Variants in GMDS observed in about 807,000 individuals in gnomAD.
GMDS encodes GDP-mannose 4,6-dehydratase.
Under a neutral mutation model 49.9 loss-of-function variants are expected in GMDS, and 20 were observed. The ratio of observed to expected loss-of-function variants is 0.40; its 90% CI spans 0.28 to 0.58. The LOEUF (loss-of-function observed/expected upper bound fraction) is 0.58. Among genes scored for constraint, GMDS ranks in the 20% least tolerant of loss-of-function variants. GMDS has a pLI of 0.42. For missense variants in GMDS, 362 were observed against 481.4 expected, an observed-to-expected ratio of 0.75 and a Z score of 2.32; for synonymous variants, 177 against 178.6, an observed-to-expected ratio of 0.99 and a Z score of 0.07.
At chr6:2,229,781 C>T (rs1780994227) in intron 1 of GMDS, among the ~76,000 whole-genome samples, 1 of 152,120 alleles carries the variant, frequency 6.6e-6, no homozygotes, top group Non-Finnish European at 1.5e-5. Context: ...AAATAGAAAA[C>T]AAAAACTGTT....
intron 7 of GMDS, among the ~76,000 whole-genome samples, chr6:1,915,285 A>G (rs3778554): frequency 0.079 from 12,001 of 152,292 alleles, 548 homozygotes; most frequent in South Asian, 0.16. Flanking sequence ...GCCCTGGCAG[A>G]GGCTCACAGG....
intron 4 of GMDS, among the ~76,000 whole-genome samples, chr6:1,967,203 A>C (rs1054941427): frequency 7.2e-5 from 11 of 151,948 alleles, no homozygotes; most frequent in African/African-American, 2.4e-4. Context: ...GCTTCATTTC[A>C]CGTTAACTTT....
At chr6:1,832,735 A>T (rs1001792544) in intron 7 of GMDS, among the ~76,000 whole-genome samples, 15 of 152,212 alleles carry the variant, frequency 9.9e-5, no homozygotes, top group African/African-American at 3.6e-4. Context: ...AAGAATGAAC[A>T]AAGTGAGGCC....
At chr6:2,155,869 G>A (rs183892791) in intron 1 of GMDS, among the ~76,000 whole-genome samples, 33 of 152,198 alleles carry the variant, frequency 2.2e-4, no homozygotes, top group Middle Eastern at 3.4e-3. Context: ...TCTAAATTAC[G>A]TAAATGAAAC....
chr6:1,936,966 CAAA>C (rs34542518), intron 6 of GMDS, among the ~76,000 whole-genome samples: 14 of 97,222 alleles, frequency 1.4e-4, no homozygotes, highest in Non-Finnish European at 1.5e-4. Flanking sequence ...GACTCTGTCT[CAAA>C]AAAAAAAAAA....
At chr6:1,961,420 A>C (rs556225444) in intron 4 of GMDS, among the ~76,000 whole-genome samples, 1 of 152,322 alleles carries the variant, frequency 6.6e-6, no homozygotes, top group South Asian at 2.1e-4. Context: ...TGAATTTAAA[A>C]AGGGTTGTTT....
intron 1 of GMDS, among the ~76,000 whole-genome samples, chr6:2,184,701 A>T (rs564741024): frequency 3.9e-5 from 6 of 152,336 alleles, no homozygotes; most frequent in African/African-American, 7.2e-5. Context: ...TCAATAAAAA[A>T]TTTTCTTTTA....
chr6:2,019,231 G>C (rs1161465071), intron 4 of GMDS, among the ~76,000 whole-genome samples: 1 of 151,416 alleles, frequency 6.6e-6, no homozygotes, highest in East Asian at 1.9e-4. Flanking sequence ...TACAATATAA[G>C]ATGATGTCAT....
intron 9 of GMDS, chr6:1,625,509 T>C (rs1762827016): frequency 6.6e-6 from 1 of 152,240 alleles, no homozygotes; most frequent in Non-Finnish European, 1.5e-5. Context: ...AACAAGGGCA[T>C]TTCATCTCCA....
chr6:1,633,421 G>A (rs926749313), intron 9 of GMDS, among the ~76,000 whole-genome samples: 2 of 152,234 alleles, frequency 1.3e-5, no homozygotes, highest in African/African-American at 4.8e-5. Context: ...GTGGACAAGA[G>A]AAGGCCGTGG....
At chr6:1,976,356 A>T (rs1418676233) in intron 4 of GMDS, among the ~76,000 whole-genome samples, 1 of 152,240 alleles carries the variant, frequency 6.6e-6, no homozygotes, top group Non-Finnish European at 1.5e-5. Flanking sequence ...CAAATTTAAT[A>T]ACAGGAACTA....
At chr6:1,624,292 A>C in intron 10 of GMDS, 61 bp from the exon 11 acceptor site, 1 of 1,480,824 alleles carries the variant, frequency 6.8e-7, no homozygotes, top group Non-Finnish European at 9.4e-7. Context: ...GTGACACCCC[A>C]CCCCGGGTGT....
At chr6:1,982,350 T>A (rs1765267888) in intron 4 of GMDS, among the ~76,000 whole-genome samples, 1 of 152,126 alleles carries the variant, frequency 6.6e-6, no homozygotes, top group Non-Finnish European at 1.5e-5. Context: ...CTCTCACCAC[T>A]CCTATTCAAC....
chr6:1,907,873 C>A (rs540164582), intron 7 of GMDS, among the ~76,000 whole-genome samples: 5 of 152,188 alleles, frequency 3.3e-5, no homozygotes, highest in African/African-American at 4.8e-5. Flanking sequence ...CCAAAGTCCC[C>A]GGTGGATACC....
chr6:2,148,136 G>A (rs1776666949), intron 1 of GMDS, among the ~76,000 whole-genome samples: 1 of 152,068 alleles, frequency 6.6e-6, no homozygotes, highest in Non-Finnish European at 1.5e-5. Context: ...CAGACGTTGA[G>A]TGAGCAACAG....
chr6:1,933,526 G>T (rs1304888988), intron 6 of GMDS, among the ~76,000 whole-genome samples: 3 of 152,168 alleles, frequency 2.0e-5, no homozygotes, highest in Non-Finnish European at 4.4e-5. Flanking sequence ...ATTCTCCCCA[G>T]TACTTGTTAT....
At chr6:1,976,873 C>T (rs1422949169) in intron 4 of GMDS, among the ~76,000 whole-genome samples, 2 of 152,160 alleles carry the variant, frequency 1.3e-5, no homozygotes, top group Non-Finnish European at 2.9e-5. Flanking sequence ...GGAAAACACA[C>T]CCTACACTGA....
chr6:2,170,847 T>C (rs1319934705), intron 1 of GMDS, among the ~76,000 whole-genome samples: 2 of 151,646 alleles, frequency 1.3e-5, no homozygotes, highest in Admixed American at 6.6e-5. Context: ...TACAAAAAAT[T>C]AGCCAGGTGC....
Position 1,643,085 on chromosome 6 carries a change from CCT to C in GMDS, c.988-18547_988-18546del, listed in dbSNP as rs774654775. Among the ~76,000 whole-genome samples, 1,170 of 151,582 alleles carry C rather than the reference CCT, an allele frequency of 7.7e-3. 16 individuals are homozygous for C. The highest frequency in any genetic ancestry group is 0.027 in the African/African-American group (1,095 of 40,862). Reference sequence around the variant, plus strand: ...TATTTTCTTATCCTGAGTCTCTTCCCCTGAGTCTCCCCAGAGAAACTGGTGAT... The same window carrying C: ...TATTTTCTTATCCTGAGTCTCTTCCCGAGTCTCCCCAGAGAAACTGGTGAT... On this transcript the variant is annotated intron_variant, in intron 9 of 10. Coordinates refer to ENST00000380815, the MANE Select transcript of GMDS (RefSeq NM_001500.4).
Sources: gnomAD v4.1 joint callset for allele counts (sites outside exome capture counted in the v4.1 genomes callset) on GRCh38, gnomAD v4.1.1 for gene constraint, MANE v1.5 for transcripts, NCBI Gene and HGNC (gene_info 2026-07-23, HGNC 2026-07-21) for gene names.